CNTNAP2: variants seen among roughly 807,000 people sequenced by gnomAD.
CNTNAP2 encodes the protein contactin associated protein 2, also known as contactin-associated protein-like 2.
CNTNAP2 carries 98 observed loss-of-function variants against 155.2 expected under a neutral mutation model. The ratio of observed to expected loss-of-function variants is 0.63; its 90% CI spans 0.54 to 0.75. The LOEUF (loss-of-function observed/expected upper bound fraction) is 0.75, where lower values mean the gene tolerates loss of function less well. Among genes scored for constraint, CNTNAP2 ranks in the 30% least tolerant of loss-of-function variants. The pLI, the probability that CNTNAP2 is intolerant of heterozygous loss-of-function variation, is 0.00. For missense variants in CNTNAP2, 1,727 were observed against 1,688.1 expected (o/e 1.02, Z -0.40); for synonymous variants, 651 against 631.2 (o/e 1.03, Z -0.47).
In CNTNAP2 at chr7:147,483,501, A is replaced by G. The variant is rs540795843; in HGVS notation, c.1671-2434A>G. On this transcript the variant is annotated intron_variant, in intron 10 of 23. Coordinates refer to ENST00000361727, the MANE Select transcript of CNTNAP2 (RefSeq NM_014141.6). ...TTTTCTATCATCGAGATGATTTTCT[A>G]CTCTGCCCATTATTTACACCACATT... Among the ~76,000 whole-genome samples the G allele has an allele frequency of 2.3e-4, 35 of 151,918 alleles. No homozygotes were observed. The South Asian group carries it at 6.9e-3, about 30-fold the overall frequency.
At chr7:146,829,519 A>C (rs1281350450) in intron 2 of CNTNAP2, among the ~76,000 whole-genome samples, 2 of 152,148 alleles carry the variant, frequency 1.3e-5, no homozygotes, top group Admixed American at 1.3e-4. Flanking sequence ...TAAAATGATT[A>C]GGCTATGAAC....
intron 11 of CNTNAP2, among the ~76,000 whole-genome samples, chr7:147,544,277 T>A (rs1433938225): frequency 6.6e-6 from 1 of 152,112 alleles, no homozygotes; most frequent in Admixed American, 6.6e-5. Context: ...ATGCAAAGAA[T>A]GATGACTCAG....
chr7:146,971,935 A>G (rs1049985741), intron 3 of CNTNAP2, among the ~76,000 whole-genome samples: 1 of 152,154 alleles, frequency 6.6e-6, no homozygotes, highest in Admixed American at 6.6e-5. Context: ...TCACGCATCT[A>G]CTTCGATGCT....
chr7:147,108,482 A>G (rs1033686796), intron 5 of CNTNAP2, 132 bp downstream of exon 5: 7 of 786,040 alleles, frequency 8.9e-6, no homozygotes, highest in Admixed American at 3.0e-5. Context: ...TACTTAATCT[A>G]TAACAGTAGG....
chr7:146,543,842 T>G, intron 1 of CNTNAP2, among the ~76,000 whole-genome samples: 1 of 151,948 alleles, frequency 6.6e-6, no homozygotes, highest in East Asian at 1.9e-4. Context: ...CCAGACAAAC[T>G]TCCAGACTGG....
At chr7:147,987,808 C>T (rs1563158811) in intron 15 of CNTNAP2, among the ~76,000 whole-genome samples, 1 of 152,156 alleles carries the variant, frequency 6.6e-6, no homozygotes, top group Non-Finnish European at 1.5e-5. Context: ...GATTCTCCTG[C>T]CTCAGCCTCC....
At chr7:146,323,079 A>G (rs1169314108) in intron 1 of CNTNAP2, among the ~76,000 whole-genome samples, 1 of 152,078 alleles carries the variant, frequency 6.6e-6, no homozygotes, top group African/African-American at 2.4e-5. Flanking sequence ...AAAATTACCT[A>G]TATGTGACCT....
chr7:146,456,834 C>T (rs1796561855), intron 1 of CNTNAP2, among the ~76,000 whole-genome samples: 3 of 152,102 alleles, frequency 2.0e-5, no homozygotes, highest in South Asian at 2.1e-4. Flanking sequence ...ATACATGCAA[C>T]AGCCCATTTG....
intron 13 of CNTNAP2, among the ~76,000 whole-genome samples, chr7:147,800,282 G>T (rs183013964): frequency 6.6e-6 from 1 of 152,052 alleles, no homozygotes; most frequent in African/African-American, 2.4e-5. Context: ...AAAGTTATTT[G>T]TATCAAAGTC....
At chr7:148,331,984 A>C (rs1798034788) in intron 21 of CNTNAP2, among the ~76,000 whole-genome samples, 1 of 152,046 alleles carries the variant, frequency 6.6e-6, no homozygotes, top group Non-Finnish European at 1.5e-5. Flanking sequence ...ATGCAGCACC[A>C]CCCTCTGCTC....
rs550765651 is a variant in CNTNAP2, at chr7:147,712,664, T to C, written c.2098+73358T>C. Among the ~76,000 whole-genome samples, 5 of 152,264 alleles carry C rather than the reference T, an allele frequency of 3.3e-5. No homozygotes were observed. In the East Asian group the frequency reaches 7.8e-4, roughly 24 times the overall value. ...CAAGGACAAAAAACCAAACACCGCA[T>C]GTTCTCACTCATAGGTGGGAATTGA... On this transcript the variant is annotated intron_variant, in intron 13 of 23. Coordinates refer to ENST00000361727, the MANE Select transcript of CNTNAP2 (RefSeq NM_014141.6).
At chr7:147,535,163 C>A (rs1409253360) in intron 11 of CNTNAP2, among the ~76,000 whole-genome samples, 1 of 152,106 alleles carries the variant, frequency 6.6e-6, no homozygotes, top group Non-Finnish European at 1.5e-5. Context: ...GAGGCCGAGG[C>A]GGATGGATCA....
At chr7:146,670,042 T>C (rs935907983) in intron 1 of CNTNAP2, among the ~76,000 whole-genome samples, 11 of 152,314 alleles carry the variant, frequency 7.2e-5, no homozygotes, top group East Asian at 5.8e-4. Context: ...TAAAGAAATA[T>C]GTATAAAGGC....
chr7:146,463,691 T>C (rs1796672790), intron 1 of CNTNAP2, among the ~76,000 whole-genome samples: 1 of 152,142 alleles, frequency 6.6e-6, no homozygotes, highest in African/African-American at 2.4e-5. Flanking sequence ...ATTATATACA[T>C]GTATACAGAT....
At chr7:148,061,425 C>T (rs959442267) in intron 15 of CNTNAP2, among the ~76,000 whole-genome samples, 16 of 152,032 alleles carry the variant, frequency 1.1e-4, no homozygotes, top group African/African-American at 3.6e-4. Flanking sequence ...ATGATCTTGG[C>T]TCAGTGCAAC....
intron 13 of CNTNAP2, among the ~76,000 whole-genome samples, chr7:147,807,793 G>A (rs142988751): frequency 1.3e-5 from 2 of 152,248 alleles, no homozygotes; most frequent in East Asian, 1.9e-4. Context: ...GCCCTAGTTG[G>A]TGATGTGAGC....
chr7:146,612,206 T>C (rs1324887296), intron 1 of CNTNAP2, among the ~76,000 whole-genome samples: 1 of 146,794 alleles, frequency 6.8e-6, no homozygotes, highest in Non-Finnish European at 1.5e-5. Context: ...AAAATAGTTA[T>C]TACTGTTAAC....
chr7:147,469,638 C>T (rs1798181003), intron 10 of CNTNAP2, among the ~76,000 whole-genome samples: 1 of 151,480 alleles, frequency 6.6e-6, no homozygotes, highest in African/African-American at 2.4e-5. Flanking sequence ...CCTGCCTCAG[C>T]CTCCCGAGTA....
chr7:147,920,685 G>A (rs900232711), intron 14 of CNTNAP2, among the ~76,000 whole-genome samples: 1 of 152,098 alleles, frequency 6.6e-6, no homozygotes, highest in African/African-American at 2.4e-5. Context: ...GGCAGTCCTT[G>A]GAAACACAGG....
Sources: allele counts gnomAD v4.1 joint callset (sites outside exome capture counted in the v4.1 genomes callset), GRCh38; gene constraint gnomAD v4.1.1; transcripts MANE v1.5; gene names NCBI Gene and HGNC (gene_info 2026-07-23, HGNC 2026-07-21).